Variants in RALA observed in about 807,000 individuals in gnomAD.
RALA encodes the protein ras-related protein Ral-A.
A neutral mutation model predicts 24.0 loss-of-function variants in RALA; 5 were observed. That is an observed-to-expected ratio of 0.21 (90% CI 0.11 to 0.44). The LOEUF is 0.44. Among genes scored for constraint, RALA ranks in the 20% least tolerant of loss-of-function variants. The pLI, the probability that RALA is intolerant of heterozygous loss-of-function variation, is 0.99. For synonymous variants in RALA, 77 were observed against 83.8 expected, an observed-to-expected ratio of 0.92 and a Z score of 0.44; for missense variants, 95 against 241.2, an observed-to-expected ratio of 0.39 and a Z score of 4.01.
intron 1 of RALA, among the ~76,000 whole-genome samples, chr7:39,658,472 A>ATG (rs1792132056): frequency 6.6e-6 from 1 of 152,030 alleles, no homozygotes. Flanking sequence ...CTGTTTTTGT[A>ATG]TGTATATATA....
chr7:39,693,985 A>G (rs1032010537), intron 3 of RALA, among the ~76,000 whole-genome samples: 5 of 152,224 alleles, frequency 3.3e-5, no homozygotes, highest in Admixed American at 1.3e-4. Context: ...TGTTTGCTAC[A>G]TCGTGAGTAA....
intron 1 of RALA, among the ~76,000 whole-genome samples, chr7:39,639,269 A>C (rs997668460): frequency 1.6e-4 from 24 of 152,254 alleles, no homozygotes; most frequent in Admixed American, 1.5e-3. Flanking sequence ...TGATACAAAC[A>C]AGTAAGACTA....
intron 1 of RALA, among the ~76,000 whole-genome samples, chr7:39,658,480 A>G (rs1408777173): frequency 6.6e-6 from 1 of 152,152 alleles, no homozygotes; most frequent in African/African-American, 2.4e-5. Flanking sequence ...GTATGTATAT[A>G]TATATATAAT....
At chr7:39,672,957 TATGTAAATCAACCTTCCCTCAA>T (rs1223544734) in intron 1 of RALA, among the ~76,000 whole-genome samples, 1 of 152,224 alleles carries the variant, frequency 6.6e-6, no homozygotes, top group East Asian at 1.9e-4. Context: ...AATTTTATTG[TATGTAAATCAACCTTCCCTCAA>T]AAAGTTCGAG....
At position 39,707,808 on chromosome 7, in the gene RALA, T is replaced by C. The variant is rs1793145919; in HGVS notation, c.*1563T>C. 6.6e-6 allele frequency: 1 copy of C among 152,666 alleles called. No individual in the cohort carries two copies. Among genetic ancestry groups the C allele is most frequent in the Non-Finnish European group, 1.5e-5 (1 of 68,046 alleles). 9.5% of individuals were successfully genotyped at this position (152,666 alleles called of 1,614,324 possible). ...GCTTCTCATGTTAAATATTTGTCCT[T>C]AAAGGGTTTGAGATGTACATCTTTC... On this transcript the variant is annotated 3_prime_UTR_variant, in exon 5 of 5. Transcript: ENST00000005257.
intron 1 of RALA, among the ~76,000 whole-genome samples, chr7:39,650,574 T>C (rs549489883): frequency 1.2e-4 from 19 of 152,172 alleles, no homozygotes; most frequent in Admixed American, 9.8e-4. Context: ...AAATCAGAAC[T>C]TTGAATTTAG....
intron 1 of RALA, among the ~76,000 whole-genome samples, chr7:39,648,629 G>A (rs892784863): frequency 1.3e-5 from 2 of 152,184 alleles, no homozygotes; most frequent in African/African-American, 2.4e-5. Context: ...GAATGGCAAA[G>A]TAATTTAGGA....
At chr7:39,676,811 G>A (rs1792494244) in intron 1 of RALA, among the ~76,000 whole-genome samples, 3 of 152,174 alleles carry the variant, frequency 2.0e-5, no homozygotes, top group Non-Finnish European at 4.4e-5. Context: ...GTTTAAGATA[G>A]AGAGTTTAGA....
intron 2 of RALA, among the ~76,000 whole-genome samples, chr7:39,687,754 C>T (rs1032581677): frequency 1.3e-5 from 2 of 152,158 alleles, no homozygotes; most frequent in Non-Finnish European, 2.9e-5. Context: ...ACTTAGTCCT[C>T]GTAACAATCT....
intron 3 of RALA, among the ~76,000 whole-genome samples, chr7:39,694,895 A>T (rs1189029443): frequency 6.6e-6 from 1 of 151,826 alleles, no homozygotes; most frequent in East Asian, 1.9e-4. Context: ...AAAGAAAAAA[A>T]GAAAAAAAAA....
At chr7:39,626,914 C>G (rs1480826152) in intron 1 of RALA, among the ~76,000 whole-genome samples, 1 of 152,116 alleles carries the variant, frequency 6.6e-6, no homozygotes, top group South Asian at 2.1e-4. Flanking sequence ...TAATCATTTT[C>G]TCTGGGTTTA....
At chr7:39,689,482 C>T (rs1792776768) in intron 2 of RALA, among the ~76,000 whole-genome samples, 1 of 152,062 alleles carries the variant, frequency 6.6e-6, no homozygotes, top group African/African-American at 2.4e-5. Flanking sequence ...ATGCAAGGTC[C>T]CTGCTCTGAG....
chr7:39,642,918 TTTAG>T (rs1791846786), intron 1 of RALA, among the ~76,000 whole-genome samples: 1 of 152,234 alleles, frequency 6.6e-6, no homozygotes, highest in African/African-American at 2.4e-5. Context: ...CATTCATTTC[TTTAG>T]TTAGTTTCTA....
chr7:39,668,153 ATG>A (rs929882537), intron 1 of RALA, among the ~76,000 whole-genome samples: 4 of 152,240 alleles, frequency 2.6e-5, no homozygotes, highest in Admixed American at 2.6e-4. Flanking sequence ...AGAAATAACA[ATG>A]AGATATTTTT....
chr7:39,702,823 T>TA (rs907545652), intron 4 of RALA, among the ~76,000 whole-genome samples: 2 of 152,072 alleles, frequency 1.3e-5, no homozygotes, highest in Non-Finnish European at 2.9e-5. Context: ...CTCATAGAAG[T>TA]AAAAAATAGA....
At chr7:39,645,901 T>G (rs181570190) in intron 1 of RALA, among the ~76,000 whole-genome samples, 56 of 152,226 alleles carry the variant, frequency 3.7e-4, no homozygotes, top group African/African-American at 1.1e-3. Flanking sequence ...AGAGGCTGAT[T>G]AGAGGTGTCA....
intron 1 of RALA, among the ~76,000 whole-genome samples, chr7:39,662,830 C>T (rs1320006988): frequency 1.3e-5 from 2 of 152,166 alleles, no homozygotes; most frequent in East Asian, 1.9e-4. Context: ...TACGACAGCA[C>T]CCCACTCTAC....
At chr7:39,689,323 C>A (rs529837721) in intron 2 of RALA, among the ~76,000 whole-genome samples, 1 of 152,162 alleles carries the variant, frequency 6.6e-6, no homozygotes, top group Non-Finnish European at 1.5e-5. Flanking sequence ...AATGACTAAG[C>A]ACATTAATAG....
At chr7:39,669,214 C>T (rs992283679) in intron 1 of RALA, among the ~76,000 whole-genome samples, 1 of 152,134 alleles carries the variant, frequency 6.6e-6, no homozygotes, top group Admixed American at 6.5e-5. Context: ...TTTCCCTCCC[C>T]CTCTTGCTCC....
Sources: allele counts gnomAD v4.1 joint callset (sites outside exome capture counted in the v4.1 genomes callset), GRCh38; gene constraint gnomAD v4.1.1; transcripts MANE v1.5; gene names NCBI Gene and HGNC (gene_info 2026-07-23, HGNC 2026-07-21).